Variants in SMURF2 observed in about 807,000 individuals in gnomAD.
SMURF2 encodes E3 ubiquitin-protein ligase SMURF2.
Under a neutral mutation model 109.6 loss-of-function variants are expected in SMURF2, and 48 were observed. That is an observed-to-expected ratio of 0.44 (90% CI 0.35 to 0.56). SMURF2 has a LOEUF of 0.56. SMURF2 is among the 20% of genes least tolerant of loss of function. SMURF2 has a pLI of 0.01. For synonymous variants in SMURF2, 288 were observed against 317.1 expected (o/e 0.91, Z 0.97); for missense variants, 575 against 909.0 (o/e 0.63, Z 4.72).
intron 1 of SMURF2, among the ~76,000 whole-genome samples, chr17:64,649,856 T>C (rs1970612844): frequency 1.3e-5 from 2 of 152,064 alleles, no homozygotes; most frequent in South Asian, 2.1e-4. Context: ...AAATAAAATA[T>C]TGAAAATATT....
intron 6 of SMURF2, 102 bp from the exon 7 acceptor site, chr17:64,583,646 A>G (rs1969607333): frequency 1.3e-6 from 1 of 778,340 alleles, no homozygotes; most frequent in Non-Finnish European, 2.2e-6. Context: ...GGGAATGCCA[A>G]CCCGAAGTAT....
chr17:64,554,997 G>T lies in SMURF2; in HGVS notation c.1611-4C>A, dbSNP rs1388826685. 1 of 1,610,764 alleles carries T rather than the reference G, an allele frequency of 6.2e-7. No individual in the cohort carries two copies. The highest frequency in any genetic ancestry group is 1.3e-5 in the African/African-American group (1 of 74,734). Reference sequence around the variant, plus strand: ...AACACCTGTAATATCATTCTCACTGGATAGGAAAGAGGAAAAGATATGTAA... The same window carrying T: ...AACACCTGTAATATCATTCTCACTGTATAGGAAAGAGGAAAAGATATGTAA... On this transcript the variant is annotated splice_polypyrimidine_tract_variant and splice_region_variant and intron_variant, in intron 14 of 18. Transcript: ENST00000262435.
chr17:64,551,468 T>C (rs1969044909), intron 16 of SMURF2, 116 bp downstream of exon 16: 9 of 1,166,712 alleles, frequency 7.7e-6, no homozygotes, highest in East Asian at 2.4e-5. Flanking sequence ...TTCTCAAGCA[T>C]AGAACCATGA....
intron 5 of SMURF2, among the ~76,000 whole-genome samples, chr17:64,587,206 A>G (rs1436827519): frequency 3.9e-5 from 6 of 152,158 alleles, no homozygotes; most frequent in Non-Finnish European, 5.9e-5. Flanking sequence ...ATAAATAAAA[A>G]TACACTGTAT....
At chr17:64,548,094 C>A (rs1296051054) in intron 16 of SMURF2, among the ~76,000 whole-genome samples, 1 of 152,174 alleles carries the variant, frequency 6.6e-6, no homozygotes, top group Non-Finnish European at 1.5e-5. Context: ...CTGTGATAGA[C>A]TTGACCAGGT....
intron 1 of SMURF2, among the ~76,000 whole-genome samples, chr17:64,631,961 CGGGGGGG>C (rs782202552): frequency 0.01 from 103 of 9,956 alleles, 2 homozygotes; most frequent in African/African-American, 0.025. Flanking sequence ...TCTTTTTTTG[CGGGGGGG>C]GGGGGGGGGG....
Position 64,551,635 on chromosome 17 carries a change from A to G in SMURF2, c.1818T>C (p.Asn606=). 6.2e-7 allele frequency: 1 copy of G among 1,614,126 alleles called. No individual in the cohort carries two copies. The highest frequency in any genetic ancestry group is 1.1e-5 in the South Asian group (1 of 91,086). The change falls in exon 16 of 19, where the codon AAT becomes AAC. Residue 606 remains asparagine (N), a synonymous_variant. Coordinates refer to ENST00000262435, the MANE Select transcript of SMURF2 (RefSeq NM_022739.4). ...TCAGCAGATGTTGTGGAATTACTTCATTAAATCCTTTCTGCAGAGCCAAGA... is the reference window on the plus strand; with the variant it reads ...TCAGCAGATGTTGTGGAATTACTTCGTTAAATCCTTTCTGCAGAGCCAAGA... The part of the protein sequence containing the change: ...AQFLALQKGF[N]EVIPQHLLKT...
At chr17:64,595,653 T>C (rs1368481304) in intron 3 of SMURF2, among the ~76,000 whole-genome samples, 2 of 152,202 alleles carry the variant, frequency 1.3e-5, no homozygotes, top group African/African-American at 4.8e-5. Flanking sequence ...ACTTAGCCAA[T>C]TAAAGGCAAG....
intron 1 of SMURF2, among the ~76,000 whole-genome samples, chr17:64,654,469 C>T (rs778410824): frequency 6.6e-6 from 1 of 151,970 alleles, no homozygotes; most frequent in Admixed American, 6.6e-5. Context: ...GAGAGAAATC[C>T]GAGAGAAAAG....
At chr17:64,596,869 GATAA>G (rs1207002339) in intron 3 of SMURF2, among the ~76,000 whole-genome samples, 2 of 152,118 alleles carry the variant, frequency 1.3e-5, no homozygotes, top group Non-Finnish European at 2.9e-5. Flanking sequence ...CTATCTAGGA[GATAA>G]ATAGATAACT....
At chr17:64,552,764 TG>T (rs541344758) in intron 15 of SMURF2, among the ~76,000 whole-genome samples, 299 of 152,280 alleles carry the variant, frequency 2.0e-3, no homozygotes, top group South Asian at 2.9e-3. Flanking sequence ...AATACAGTGG[TG>T]CGATCTCAGC....
At chr17:64,625,205 C>T (rs910509851) in intron 1 of SMURF2, among the ~76,000 whole-genome samples, 1 of 152,178 alleles carries the variant, frequency 6.6e-6, no homozygotes, top group African/African-American at 2.4e-5. Flanking sequence ...AAAACTATAT[C>T]CTCCCAATAA....
At chr17:64,638,988 A>T (rs1474189798) in intron 1 of SMURF2, among the ~76,000 whole-genome samples, 1 of 152,238 alleles carries the variant, frequency 6.6e-6, no homozygotes, top group Non-Finnish European at 1.5e-5. Flanking sequence ...CATAAGGAAG[A>T]GTGTAACAAA....
chr17:64,601,984 A>G (rs1969905242), intron 2 of SMURF2, among the ~76,000 whole-genome samples: 1 of 151,354 alleles, frequency 6.6e-6, no homozygotes, highest in South Asian at 2.1e-4. Context: ...ATACATACAT[A>G]CACCATGGAA....
intron 1 of SMURF2, among the ~76,000 whole-genome samples, chr17:64,645,243 CTG>C (rs1355691354): frequency 6.6e-6 from 1 of 152,130 alleles, no homozygotes; most frequent in African/African-American, 2.4e-5. Context: ...TTTAATAAAT[CTG>C]TTTTCTATAA....
intron 1 of SMURF2, among the ~76,000 whole-genome samples, chr17:64,638,100 T>C (rs1970447223): frequency 1.3e-5 from 2 of 148,570 alleles, no homozygotes; most frequent in Admixed American, 1.3e-4. Context: ...TCTCACTCTG[T>C]TGCCCAGGCT....
intron 7 of SMURF2, among the ~76,000 whole-genome samples, chr17:64,582,135 T>C (rs1354819750): frequency 6.6e-6 from 1 of 152,128 alleles, no homozygotes; most frequent in Non-Finnish European, 1.5e-5. Context: ...AATGGGTACT[T>C]CAATAAATTC....
intron 1 of SMURF2, among the ~76,000 whole-genome samples, chr17:64,646,098 G>A (rs1178912353): frequency 4.7e-5 from 7 of 150,168 alleles, no homozygotes; most frequent in East Asian, 1.9e-4. Flanking sequence ...ATGGAGTCCC[G>A]CTCTGTTGCC....
intron 8 of SMURF2, 109 bp from the exon 9 acceptor site, chr17:64,578,685 A>G (rs112909827): frequency 0.034 from 22,740 of 664,672 alleles, 728 homozygotes; most frequent in African/African-American, 0.12. Context: ...CAAATTACCA[A>G]TCTATTTTAT....
Sources: allele counts gnomAD v4.1 joint callset (sites outside exome capture counted in the v4.1 genomes callset), GRCh38; gene constraint gnomAD v4.1.1; transcripts MANE v1.5; gene names NCBI Gene and HGNC (gene_info 2026-07-23, HGNC 2026-07-21).